SOCS5: variants seen among roughly 807,000 people sequenced by gnomAD.
SOCS5 encodes the protein suppressor of cytokine signaling 5.
A neutral mutation model predicts 42.8 loss-of-function variants in SOCS5; 32 were observed. The observed-to-expected ratio is 0.75, with a 90% CI of 0.56 to 1.01. The LOEUF (loss-of-function observed/expected upper bound fraction) is 1.01. Ranked by LOEUF, SOCS5 falls within the 50% of genes least tolerant of loss-of-function variation. The probability of loss-of-function intolerance (pLI) is 0.00; values close to 1 mark genes in which losing one functional copy is unlikely to be tolerated. For missense variants in SOCS5, 627 were observed against 653.0 expected (o/e 0.96, Z 0.43); for synonymous variants, 283 against 229.6 (o/e 1.23, Z -2.10).
intron 1 of SOCS5, among the ~76,000 whole-genome samples, chr2:46,721,417 A>G (rs1376357241): frequency 6.6e-6 from 1 of 152,148 alleles, no homozygotes; most frequent in East Asian, 1.9e-4. Flanking sequence ...GTAGGTAAAT[A>G]TTTGTTATCA....
intron 1 of SOCS5, among the ~76,000 whole-genome samples, chr2:46,716,677 C>T (rs935592609): frequency 2.0e-5 from 3 of 152,060 alleles, no homozygotes; most frequent in African/African-American, 7.2e-5. Context: ...TAGGGCCTCT[C>T]TATGTTGCTC....
At chr2:46,739,436 G>A (rs1466316882) in intron 1 of SOCS5, among the ~76,000 whole-genome samples, 2 of 152,134 alleles carry the variant, frequency 1.3e-5, no homozygotes, top group Non-Finnish European at 2.9e-5. Flanking sequence ...TGCTTTCTTT[G>A]TTGTCTGTCT....
chr2:46,722,503 C>G (rs980647229), intron 1 of SOCS5, among the ~76,000 whole-genome samples: 1 of 152,112 alleles, frequency 6.6e-6, no homozygotes, highest in Admixed American at 6.6e-5. Flanking sequence ...TTGTATGTAT[C>G]AATGGTTGAT....
At chr2:46,700,888 G>A (rs1212846936) in intron 1 of SOCS5, among the ~76,000 whole-genome samples, 1 of 151,870 alleles carries the variant, frequency 6.6e-6, no homozygotes, top group Non-Finnish European at 1.5e-5. Flanking sequence ...CATTTGTAGC[G>A]TACTTTACGG....
chr2:46,742,728 C>T (rs1001304841), intron 1 of SOCS5, among the ~76,000 whole-genome samples: 5 of 151,998 alleles, frequency 3.3e-5, no homozygotes, highest in African/African-American at 7.3e-5. Flanking sequence ...TGCAATGGCG[C>T]GATCTCGGCT....
At chr2:46,706,391 G>T (rs1672463143) in intron 1 of SOCS5, among the ~76,000 whole-genome samples, 1 of 152,114 alleles carries the variant, frequency 6.6e-6, no homozygotes, top group Non-Finnish European at 1.5e-5. Flanking sequence ...TTTAATTTAG[G>T]GTTTGTGAAG....
At position 46,704,293 on chromosome 2, in the gene SOCS5, C is replaced by T. The variant is rs143802443; in HGVS notation, c.-13+4844C>T. Among the ~76,000 whole-genome samples, 409 of 152,240 alleles carry T rather than the reference C, an allele frequency of 2.7e-3. 4 individuals carry two copies. Among genetic ancestry groups the T allele is most frequent in the African/African-American group, 9.4e-3 (392 of 41,538 alleles). On this transcript the variant is annotated intron_variant, in intron 1 of 1. Coordinates refer to ENST00000394861, the MANE Select transcript of SOCS5 (RefSeq NM_144949.3). ...CAATGTCCAGTCTTCCTATTCTGAG[C>T]AGTATCCTTGAGTTAGAAGTATTTC...
intron 1 of SOCS5, among the ~76,000 whole-genome samples, chr2:46,742,350 AC>A (rs1673397503): frequency 3.5e-5 from 2 of 56,622 alleles, no homozygotes. Context: ...CCCCACCCCC[AC>A]CCCCACCTTC....
At chr2:46,744,702 A>C (rs1673460455) in intron 1 of SOCS5, among the ~76,000 whole-genome samples, 1 of 151,482 alleles carries the variant, frequency 6.6e-6, no homozygotes, top group South Asian at 2.1e-4. Context: ...AATTTTTTGT[A>C]TTTTTAGTAG....
At chr2:46,719,292 A>G (rs563555720) in intron 1 of SOCS5, among the ~76,000 whole-genome samples, 1 of 152,304 alleles carries the variant, frequency 6.6e-6, no homozygotes, top group East Asian at 1.9e-4. Flanking sequence ...TGAGCTTTAT[A>G]ACTAGATTTA....
At chr2:46,708,492 G>A (rs150787870) in intron 1 of SOCS5, among the ~76,000 whole-genome samples, 2 of 152,206 alleles carry the variant, frequency 1.3e-5, no homozygotes, top group African/African-American at 2.4e-5. Context: ...CATATATTTT[G>A]TAGCTGAAAA....
chr2:46,707,995 A>G (rs1401059893), intron 1 of SOCS5, among the ~76,000 whole-genome samples: 1 of 152,226 alleles, frequency 6.6e-6, no homozygotes, highest in East Asian at 1.9e-4. Context: ...TTTAATGAAT[A>G]CTGTACTGAA....
chr2:46,749,392 C>A (rs980545419), intron 1 of SOCS5, among the ~76,000 whole-genome samples: 1 of 152,178 alleles, frequency 6.6e-6, no homozygotes. Flanking sequence ...AGACTTAGGT[C>A]TCTAACACAG....
rs553402476 is a variant in SOCS5, at chr2:46,761,256, T to C, written c.*1115T>C. 15 of 167,248 alleles carry C rather than the reference T, an allele frequency of 9.0e-5. No homozygotes were observed. In the South Asian group the frequency reaches 1.9e-3, roughly 21 times the overall value. The allele number at this position is 167,248 out of a possible 1,614,324, so 10.4% of individuals were successfully genotyped here. ...CACCTTTTTGTCACTTAGAATAATA[T>C]GTACTACTACTTGAGTGAGCGCTTT... On this transcript the variant is annotated 3_prime_UTR_variant, in exon 2 of 2. Transcript: ENST00000394861.
At chr2:46,727,144 C>CTTTT (rs759203329) in intron 1 of SOCS5, among the ~76,000 whole-genome samples, 3,556 of 86,410 alleles carry the variant, frequency 0.041, 99 homozygotes, top group Non-Finnish European at 0.059. Context: ...TTGGAGCCTT[C>CTTTT]TTTTTTTTTT....
intron 1 of SOCS5, among the ~76,000 whole-genome samples, chr2:46,722,299 TAAGACATTTTGTATAC>T (rs1672901960): frequency 6.8e-6 from 1 of 146,776 alleles, no homozygotes; most frequent in African/African-American, 2.6e-5. Context: ...TCAAAGGATT[TAAGACATTTTGTATAC>T]ATTTGCCAGT....
At chr2:46,751,669 G>T (rs1017873309) in intron 1 of SOCS5, among the ~76,000 whole-genome samples, 1 of 152,078 alleles carries the variant, frequency 6.6e-6, no homozygotes, top group African/African-American at 2.4e-5. Flanking sequence ...TCATGCTCTA[G>T]TGATCATCCA....
At chr2:46,727,832 G>A (rs1673030274) in intron 1 of SOCS5, among the ~76,000 whole-genome samples, 1 of 152,114 alleles carries the variant, frequency 6.6e-6, no homozygotes, top group South Asian at 2.1e-4. Context: ...ACTTTCTGCT[G>A]CCGACCTCTT....
At chr2:46,707,827 T>A (rs912897300) in intron 1 of SOCS5, among the ~76,000 whole-genome samples, 1 of 152,222 alleles carries the variant, frequency 6.6e-6, no homozygotes, top group African/African-American at 2.4e-5. Context: ...AAAATATCAT[T>A]AGGTCAGAAA....
Sources: allele counts gnomAD v4.1 joint callset (sites outside exome capture counted in the v4.1 genomes callset), GRCh38; gene constraint gnomAD v4.1.1; transcripts MANE v1.5; gene names NCBI Gene and HGNC (gene_info 2026-07-23, HGNC 2026-07-21).